The following POLN variants were observed in gnomAD, a reference collection of about 807,000 sequenced individuals.
The protein encoded by POLN is DNA polymerase N.
POLN carries 108 observed loss-of-function variants against 113.5 expected under a neutral mutation model. The observed-to-expected ratio is 0.95, with a 90% confidence interval of 0.81 to 1.12. The LOEUF is 1.12. POLN is among the 50% of genes most tolerant of loss of function. The pLI, the probability that POLN is intolerant of heterozygous loss-of-function variation, is 0.00. For missense variants in POLN, 1,097 were observed against 1,077.1 expected (o/e 1.02, Z -0.26); for synonymous variants, 386 against 391.5 (o/e 0.99, Z 0.17).
intron 13 of POLN, 143 bp from the exon 14 acceptor site, chr4:2,159,354 T>C: frequency 1.4e-6 from 1 of 692,482 alleles, no homozygotes; most frequent in Non-Finnish European, 2.4e-6. Flanking sequence ...AACTCAAGTT[T>C]ATCAAGTGTC....
intron 16 of POLN, among the ~76,000 whole-genome samples, chr4:2,150,958 A>G (rs1732281214): frequency 6.6e-6 from 1 of 152,250 alleles, no homozygotes; most frequent in African/African-American, 2.4e-5. Context: ...TCCATGTAAG[A>G]ACTCATTGAT....
In POLN at chr4:2,072,118, A is replaced by G; in HGVS notation, c.2699T>C (p.Leu900Pro). 6.2e-7 allele frequency: 1 copy of G among 1,612,964 alleles called. No homozygotes were observed. Among genetic ancestry groups the G allele is most frequent in the Non-Finnish European group, 8.5e-7 (1 of 1,179,858 alleles). ...PPLHFSPSFC[L>P] ...TCCTCCCACTGTTGCCTGGGGCTAC[A>G]GACAAAATGAAGGCGAAAAATGCAG... The change falls in exon 26 of 26, where the codon CTG (leucine) becomes CCG (proline). Residue 900 changes from leucine (L) to proline (P), a missense_variant. Leu to Pro is a moderately conservative substitution (Grantham distance 98). Coordinates refer to ENST00000511885, the MANE Select transcript of POLN (RefSeq NM_181808.4).
In POLN at chr4:2,238,314, A is replaced by G. The variant is rs1734839184; in HGVS notation, c.-13+3206T>C. On this transcript the variant is annotated intron_variant, in intron 2 of 25. Coordinates refer to ENST00000511885, the MANE Select transcript of POLN (RefSeq NM_181808.4). ...TTCAAACTTCCTGCCCCAAATCTAAAATAAGGTATATAAATAATGATGCCT... is the reference window on the plus strand; with the variant it reads ...TTCAAACTTCCTGCCCCAAATCTAAGATAAGGTATATAAATAATGATGCCT... Among the ~76,000 whole-genome samples, 6 of 152,272 alleles carry G rather than the reference A, an allele frequency of 3.9e-5. 1 individual carries two copies. In the Middle Eastern group the frequency reaches 0.017, roughly 432 times the overall value.
intron 5 of POLN, among the ~76,000 whole-genome samples, chr4:2,201,846 A>G (rs1402978027): frequency 6.6e-6 from 1 of 152,248 alleles, no homozygotes; most frequent in African/African-American, 2.4e-5. Context: ...GATTAACAGC[A>G]GAAACCCTCC....
Position 2,126,178 on chromosome 4 carries a change from C to T in POLN, c.1982+1935G>A, listed in dbSNP as rs1324191484. ...GTACAGTGCCTCTTCCTGTGCTGGG[C>T]AAACACTTCATTATTCTTTGCTTTT... On this transcript the variant is annotated intron_variant, in intron 19 of 25. Coordinates refer to ENST00000511885, the MANE Select transcript of POLN (RefSeq NM_181808.4). This position sits in a 1 kb window ranked among gnomAD's most constrained non-coding sequence, Gnocchi z 4.6. 6.6e-6 allele frequency among the ~76,000 whole-genome samples: 1 copy of T among 152,212 alleles called. No individual in the cohort carries two copies. The highest frequency in any genetic ancestry group is 1.5e-5 in the Non-Finnish European group (1 of 68,030).
At chr4:2,193,550 C>T (rs1192476905) in intron 6 of POLN, among the ~76,000 whole-genome samples, 1 of 152,102 alleles carries the variant, frequency 6.6e-6, no homozygotes, top group Non-Finnish European at 1.5e-5. Flanking sequence ...AGTGCTTATC[C>T]CTGGGAAACA....
intron 21 of POLN, among the ~76,000 whole-genome samples, chr4:2,084,518 G>A (rs1047667589): frequency 2.0e-5 from 3 of 152,222 alleles, no homozygotes; most frequent in African/African-American, 4.8e-5. Context: ...CAGGCGCTGT[G>A]GAGGCTCCCC....
At chr4:2,220,810 G>A (rs1265792923) in intron 3 of POLN, among the ~76,000 whole-genome samples, 1 of 152,210 alleles carries the variant, frequency 6.6e-6, no homozygotes, top group Non-Finnish European at 1.5e-5. Context: ...GACCAGGAGA[G>A]GAGGAGGGGG....
chr4:2,189,348 C>A (rs1733375527), intron 7 of POLN, among the ~76,000 whole-genome samples: 1 of 152,172 alleles, frequency 6.6e-6, no homozygotes, highest in Non-Finnish European at 1.5e-5. Flanking sequence ...GTTAAAATAT[C>A]AATGTTACCG....
At chr4:2,210,853 G>A (rs980218126) in intron 4 of POLN, among the ~76,000 whole-genome samples, 12 of 149,658 alleles carry the variant, frequency 8.0e-5, no homozygotes, top group South Asian at 2.1e-4. Flanking sequence ...CCCAGGAGAC[G>A]GAGGTTGCAG....
intron 19 of POLN, among the ~76,000 whole-genome samples, chr4:2,114,931 CT>C (rs1015157741): frequency 2.7e-5 from 4 of 150,634 alleles, no homozygotes; most frequent in African/African-American, 9.8e-5. Context: ...AGGGCTTCCA[CT>C]TTTTTTTTCC....
rs78813701 is a variant in POLN at position 2,237,812 on chromosome 4, T to A, written c.-13+3708A>T. ...ATAAATAGCTATAATAGTAAACTTT[T>A]GCTCAGAATTTTTTAAATAGTTATT... On this transcript the variant is annotated intron_variant, in intron 2 of 25. Transcript: ENST00000511885. 8.3e-3 allele frequency among the ~76,000 whole-genome samples: 1,269 copies of A among 152,278 alleles called. 24 individuals are homozygous for A. The highest frequency in any genetic ancestry group is 0.029 in the African/African-American group (1,215 of 41,550).
chr4:2,164,406 C>T (rs1398617088), intron 13 of POLN, among the ~76,000 whole-genome samples: 1 of 150,292 alleles, frequency 6.7e-6, no homozygotes, highest in African/African-American at 2.5e-5. Context: ...GAGGCTGAGG[C>T]AGGAGAATTG....
chr4:2,135,074 T>C (rs1731820709), intron 16 of POLN, among the ~76,000 whole-genome samples: 1 of 152,158 alleles, frequency 6.6e-6, no homozygotes, highest in South Asian at 2.1e-4. Context: ...AATCTGGCCT[T>C]CTGGGAGTTA....
rs896117519 is a variant in POLN at position 2,113,822 on chromosome 4, C to T, written c.1982+14291G>A. On this transcript the variant is annotated intron_variant, in intron 19 of 25. Transcript: ENST00000511885. The stretch of plus-strand genomic sequence containing the variant: ...GCAGTGAGCTGAGATTGTGCCTTTG[C>T]GTGCTGGCCTGGGTGACAGAGCAAG... 1.1e-4 allele frequency among the ~76,000 whole-genome samples: 16 copies of T among 150,484 alleles called. No homozygotes were observed. The East Asian group carries it at 1.2e-3, about 11-fold the overall frequency.
intron 19 of POLN, among the ~76,000 whole-genome samples, chr4:2,103,845 C>T (rs1300772910): frequency 6.6e-6 from 1 of 152,176 alleles, no homozygotes; most frequent in Non-Finnish European, 1.5e-5. Context: ...AAAACGCTGC[C>T]AGTCAATAAT....
At chr4:2,114,166 T>C (rs1731264640) in intron 19 of POLN, among the ~76,000 whole-genome samples, 1 of 152,040 alleles carries the variant, frequency 6.6e-6, no homozygotes. Flanking sequence ...CTGAAAGTGC[T>C]GGGATTACAG....
intron 5 of POLN, among the ~76,000 whole-genome samples, chr4:2,199,714 C>A (rs1733664883): frequency 6.6e-6 from 1 of 152,058 alleles, no homozygotes; most frequent in African/African-American, 2.4e-5. Flanking sequence ...GTAGCTGGGA[C>A]TACAGGCACA....
At chr4:2,100,938 T>C (rs1375143508) in intron 19 of POLN, among the ~76,000 whole-genome samples, 1 of 152,226 alleles carries the variant, frequency 6.6e-6, no homozygotes, top group Non-Finnish European at 1.5e-5. Flanking sequence ...GAAAGGATGA[T>C]GTTGAAATAC....
Sources: gnomAD v4.1 joint callset for allele counts (sites outside exome capture counted in the v4.1 genomes callset) on GRCh38, gnomAD v4.1.1 for gene constraint, Gnocchi (gnomAD v3.1) non-coding constraint, MANE v1.5 for transcripts, NCBI Gene and HGNC (gene_info 2026-07-23, HGNC 2026-07-21) for gene names.